JAK2: variants seen among roughly 807,000 people sequenced by gnomAD.
JAK2 encodes the protein Janus kinase 2, also known as tyrosine-protein kinase JAK2.
JAK2 carries 86 observed loss-of-function variants against 139.3 expected under a neutral mutation model. The ratio of observed to expected loss-of-function variants is 0.62; its 90% confidence interval spans 0.52 to 0.74. The LOEUF is 0.74. JAK2 is among the 30% of genes least tolerant of loss of function. The pLI, the probability that JAK2 is intolerant of heterozygous loss-of-function variation, is 0.00. For missense variants in JAK2, 1,421 were observed against 1,360.3 expected (o/e 1.04, Z -0.70); for synonymous variants, 490 against 437.7 (o/e 1.12, Z -1.49).
intron 2 of JAK2, among the ~76,000 whole-genome samples, chr9:5,019,839 CA>C (rs1358261352): frequency 9.9e-5 from 15 of 152,150 alleles, no homozygotes; most frequent in African/African-American, 3.6e-4. Flanking sequence ...TCCTCAGTGG[CA>C]TAGTGTGTGG....
At chr9:5,107,327 G>A (rs1822043726) in intron 22 of JAK2, among the ~76,000 whole-genome samples, 1 of 151,934 alleles carries the variant, frequency 6.6e-6, no homozygotes. Context: ...GATAAATCCA[G>A]CCCCTATGAA....
At chr9:5,026,026 T>C (rs1037175974) in intron 3 of JAK2, among the ~76,000 whole-genome samples, 1 of 152,198 alleles carries the variant, frequency 6.6e-6, no homozygotes, top group African/African-American at 2.4e-5. Flanking sequence ...TTTCTTATTA[T>C]CCTTGACAAA....
chr9:5,106,149 G>A (rs1362158406), intron 22 of JAK2, among the ~76,000 whole-genome samples: 1 of 152,046 alleles, frequency 6.6e-6, no homozygotes, highest in Non-Finnish European at 1.5e-5. Context: ...GAAAATTTTT[G>A]CAATCTACCC....
intron 22 of JAK2, chr9:5,108,521 T>G (rs1013705061): frequency 1.3e-5 from 2 of 152,136 alleles, no homozygotes; most frequent in African/African-American, 4.8e-5. Flanking sequence ...TAGCATGTAT[T>G]ATGGCCTTTA....
chr9:5,061,502 A>G (rs962789584), intron 8 of JAK2, among the ~76,000 whole-genome samples: 20 of 152,158 alleles, frequency 1.3e-4, no homozygotes, highest in South Asian at 2.1e-4. Context: ...CTTAAACCTC[A>G]TGAACCAACC....
intron 20 of JAK2, 73 bp downstream of exon 20, chr9:5,089,936 T>G: frequency 9.6e-7 from 1 of 1,044,540 alleles, no homozygotes; most frequent in South Asian, 3.1e-5. Flanking sequence ...AAATGTACAA[T>G]GTCTTAACGA....
intron 4 of JAK2, among the ~76,000 whole-genome samples, chr9:5,043,509 G>A (rs1449042804): frequency 1.3e-5 from 2 of 152,206 alleles, no homozygotes; most frequent in African/African-American, 2.4e-5. Flanking sequence ...GGAATGTAAA[G>A]TGGTGCTGCT....
At chr9:5,063,419 T>C (rs930788745) in intron 8 of JAK2, among the ~76,000 whole-genome samples, 2 of 152,188 alleles carry the variant, frequency 1.3e-5, no homozygotes, top group Non-Finnish European at 2.9e-5. Flanking sequence ...GACTGGAAGT[T>C]TTCTGGGTAC....
At chr9:5,067,505 A>G (rs1331806679) in intron 10 of JAK2, among the ~76,000 whole-genome samples, 1 of 152,082 alleles carries the variant, frequency 6.6e-6, no homozygotes, top group Non-Finnish European at 1.5e-5. Context: ...TGCAACTTAT[A>G]TTTGGCATAT....
intron 2 of JAK2, among the ~76,000 whole-genome samples, chr9:5,014,837 G>A (rs1171152324): frequency 1.3e-5 from 2 of 152,006 alleles, no homozygotes; most frequent in Admixed American, 1.3e-4. Context: ...ACCTACATAT[G>A]TGTTTCTCCC....
At chr9:5,062,966 C>T (rs1258712645) in intron 8 of JAK2, among the ~76,000 whole-genome samples, 5 of 151,870 alleles carry the variant, frequency 3.3e-5, no homozygotes, top group Non-Finnish European at 7.4e-5. Context: ...AGGTATATTC[C>T]TTTGTTATAC....
In JAK2 at chr9:5,123,555, T is replaced by TG. The variant is rs141854699; in HGVS notation, c.3177+436dup. Among the ~76,000 whole-genome samples, 1,213 of 152,142 alleles carry TG rather than the reference T, an allele frequency of 8.0e-3. 16 individuals are homozygous for TG. The highest frequency in any genetic ancestry group is 0.028 in the African/African-American group (1,167 of 41,558). Reference sequence around the variant, plus strand: ...TTTTCTTTATCCAGTCATCCACTGATGGACACTTAGGTTGATTCCATGTCT... The same window carrying TG: ...TTTTCTTTATCCAGTCATCCACTGATGGGACACTTAGGTTGATTCCATGTCT... On this transcript the variant is annotated intron_variant, in intron 23 of 24. Transcript: ENST00000381652.
intron 23 of JAK2, among the ~76,000 whole-genome samples, chr9:5,125,238 T>C (rs1823898088): frequency 6.6e-6 from 1 of 151,092 alleles, no homozygotes; most frequent in African/African-American, 2.4e-5. Context: ...TTTATAACTT[T>C]TATAAAAGTT....
At chr9:5,073,548 C>A in intron 13 of JAK2, 150 bp from the exon 14 acceptor site, 1 of 627,040 alleles carries the variant, frequency 1.6e-6, no homozygotes, top group African/African-American at 1.8e-5. Context: ...GTTGCAGGTC[C>A]ATATAAAGGG....
At chr9:5,023,307 TC>T (rs1211252790) in intron 3 of JAK2, among the ~76,000 whole-genome samples, 1 of 152,212 alleles carries the variant, frequency 6.6e-6, no homozygotes, top group African/African-American at 2.4e-5. Context: ...GACCTTCAGT[TC>T]CATCCATGTT....
intron 19 of JAK2, among the ~76,000 whole-genome samples, chr9:5,083,403 T>G (rs1031662413): frequency 6.6e-6 from 1 of 152,248 alleles, no homozygotes; most frequent in Non-Finnish European, 1.5e-5. Context: ...TTCTCACTAG[T>G]AAGTACCATG....
At chr9:5,039,057 T>C (rs934990204) in intron 4 of JAK2, among the ~76,000 whole-genome samples, 2 of 152,150 alleles carry the variant, frequency 1.3e-5, no homozygotes, top group African/African-American at 4.8e-5. Context: ...GTCATACTTA[T>C]TAGTGAAAGA....
At chr9:5,031,467 G>A (rs955969981) in intron 4 of JAK2, among the ~76,000 whole-genome samples, 1 of 152,148 alleles carries the variant, frequency 6.6e-6, no homozygotes, top group Non-Finnish European at 1.5e-5. Flanking sequence ...TATTAACGTG[G>A]AAGGGAGAGA....
At chr9:5,100,448 T>C (rs1280516947) in intron 22 of JAK2, 2 of 152,222 alleles carry the variant, frequency 1.3e-5, no homozygotes, top group African/African-American at 4.8e-5. Flanking sequence ...AAGGCCACCA[T>C]ACAACAGTTG....
Sources: allele counts gnomAD v4.1 joint callset (sites outside exome capture counted in the v4.1 genomes callset), GRCh38; gene constraint gnomAD v4.1.1; transcripts MANE v1.5; gene names NCBI Gene and HGNC (gene_info 2026-07-23, HGNC 2026-07-21).